Variants in LIMCH1 observed in about 807,000 individuals in gnomAD.
The protein encoded by LIMCH1 is LIM and calponin homology domains 1, also known as LIM and calponin homology domains-containing protein 1.
LIMCH1 carries 113 observed loss-of-function variants against 176.5 expected under a neutral mutation model. The ratio of observed to expected loss-of-function variants is 0.64; its 90% CI spans 0.55 to 0.75. The LOEUF (loss-of-function observed/expected upper bound fraction) is 0.75, where lower values mean the gene tolerates loss of function less well. LIMCH1 is among the 30% of genes least tolerant of loss of function. The probability of loss-of-function intolerance (pLI) is 0.00; values close to 1 mark genes in which losing one functional copy is unlikely to be tolerated. For missense variants in LIMCH1, 1,674 were observed against 1,814.9 expected, an observed-to-expected ratio of 0.92 and a Z score of 1.41; for synonymous variants, 619 against 645.9, an observed-to-expected ratio of 0.96 and a Z score of 0.63.
At chr4:41,368,444 G>A (rs957051825) in intron 1 of LIMCH1, among the ~76,000 whole-genome samples, 9 of 152,124 alleles carry the variant, frequency 5.9e-5, no homozygotes, top group African/African-American at 7.2e-5. Flanking sequence ...ATATAATTAC[G>A]ATTTGGAATA....
chr4:41,494,158 G>T (rs576923045), intron 1 of LIMCH1, among the ~76,000 whole-genome samples: 3 of 151,964 alleles, frequency 2.0e-5, no homozygotes, highest in Non-Finnish European at 4.4e-5. Context: ...AGAAAAAAAG[G>T]CTTCAAAGAA....
intron 2 of LIMCH1, among the ~76,000 whole-genome samples, chr4:41,519,256 T>C (rs1352177348): frequency 6.6e-6 from 1 of 152,186 alleles, no homozygotes; most frequent in Non-Finnish European, 1.5e-5. Flanking sequence ...GGAGGAGACC[T>C]GGGGTCTTCC....
chr4:41,577,544 C>A (rs1055741008), intron 1 of LIMCH1, among the ~76,000 whole-genome samples: 1 of 152,182 alleles, frequency 6.6e-6, no homozygotes, highest in African/African-American at 2.4e-5. Flanking sequence ...ATCCTCCTAT[C>A]TCAGCTTCCT....
chr4:41,392,601 A>C (rs2057362336), intron 1 of LIMCH1, among the ~76,000 whole-genome samples: 1 of 152,220 alleles, frequency 6.6e-6, no homozygotes, highest in Admixed American at 6.5e-5. Context: ...TCTTTGAATT[A>C]AACTCAGCTT....
chr4:41,441,594 A>G (rs1282385501), intron 1 of LIMCH1, among the ~76,000 whole-genome samples: 1 of 152,208 alleles, frequency 6.6e-6, no homozygotes, highest in Non-Finnish European at 1.5e-5. Context: ...TTTGGAAAAC[A>G]AATTAGAAAC....
intron 1 of LIMCH1, among the ~76,000 whole-genome samples, chr4:41,436,533 T>G (rs1468856263): frequency 1.3e-5 from 2 of 152,226 alleles, no homozygotes; most frequent in African/African-American, 4.8e-5. Flanking sequence ...TTGTGCTATT[T>G]GCAGCACAAG....
At chr4:41,469,546 C>T (rs936045855) in intron 1 of LIMCH1, among the ~76,000 whole-genome samples, 2 of 151,944 alleles carry the variant, frequency 1.3e-5, no homozygotes, top group African/African-American at 4.8e-5. Flanking sequence ...GCACACATTC[C>T]AAAAAAGCTT....
At chr4:41,443,283 G>GT (rs1189253991) in intron 1 of LIMCH1, among the ~76,000 whole-genome samples, 2 of 143,918 alleles carry the variant, frequency 1.4e-5, no homozygotes, top group Middle Eastern at 3.8e-3. Flanking sequence ...CAATCTGGAT[G>GT]TTTTTTTTCT....
intron 1 of LIMCH1, among the ~76,000 whole-genome samples, chr4:41,364,773 G>C (rs1297897354): frequency 6.6e-6 from 1 of 152,066 alleles, no homozygotes; most frequent in East Asian, 1.9e-4. Context: ...ACAAATAATG[G>C]GTCCAAATAT....
At chr4:41,627,482 A>G (rs1196573736) in intron 8 of LIMCH1, among the ~76,000 whole-genome samples, 3 of 152,230 alleles carry the variant, frequency 2.0e-5, no homozygotes, top group Admixed American at 2.0e-4. Context: ...GAAGAAAAAA[A>G]AATGAGACTT....
chr4:41,601,661 A>C (rs1379429684), intron 2 of LIMCH1, among the ~76,000 whole-genome samples: 1 of 152,224 alleles, frequency 6.6e-6, no homozygotes, highest in African/African-American at 2.4e-5. Context: ...TATTTCAAAG[A>C]ACATAAAGAA....
intron 20 of LIMCH1, 122 bp from the exon 21 acceptor site, chr4:41,666,439 A>T: frequency 1.7e-6 from 1 of 595,272 alleles, no homozygotes; most frequent in Non-Finnish European, 2.9e-6. Flanking sequence ...GTTTAAATTT[A>T]AATGTTAACT....
intron 1 of LIMCH1, among the ~76,000 whole-genome samples, chr4:41,369,572 C>A (rs2053631548): frequency 6.6e-6 from 1 of 152,192 alleles, no homozygotes; most frequent in South Asian, 2.1e-4. Context: ...GCAGCATGGT[C>A]CCTGATTCCT....
At chr4:41,632,242 C>G (rs554959840) in intron 10 of LIMCH1, among the ~76,000 whole-genome samples, 1 of 152,296 alleles carries the variant, frequency 6.6e-6, no homozygotes, top group South Asian at 2.1e-4. Context: ...ACAGCAGGAG[C>G]AAAGTGAGGC....
At chr4:41,572,019 A>G (rs1235253628) in intron 1 of LIMCH1, among the ~76,000 whole-genome samples, 3 of 152,244 alleles carry the variant, frequency 2.0e-5, no homozygotes, top group Admixed American at 1.3e-4. Flanking sequence ...AGCGTGAATG[A>G]AACATGAAAG....
At chr4:41,659,711 CTTTAAAA>C (rs1442663472) in intron 18 of LIMCH1, among the ~76,000 whole-genome samples, 1 of 152,096 alleles carries the variant, frequency 6.6e-6, no homozygotes, top group East Asian at 1.9e-4. Context: ...TTCATACACA[CTTTAAAA>C]TTTAACTTTA....
chr4:41,679,761 CT>C (rs1387114940), intron 23 of LIMCH1, among the ~76,000 whole-genome samples: 5 of 152,176 alleles, frequency 3.3e-5, no homozygotes, highest in Non-Finnish European at 5.9e-5. Context: ...ACCTTTCCGT[CT>C]TTTCTCTTTC....
chr4:41,440,763 C>T (rs957092722), intron 1 of LIMCH1, among the ~76,000 whole-genome samples: 3 of 152,114 alleles, frequency 2.0e-5, no homozygotes, highest in African/African-American at 7.2e-5. Context: ...GAACTCCTGA[C>T]CTCAGGTGAT....
chr4:41,499,592 G>A (rs2072862324), intron 2 of LIMCH1, among the ~76,000 whole-genome samples: 1 of 152,196 alleles, frequency 6.6e-6, no homozygotes, highest in Non-Finnish European at 1.5e-5. Context: ...GGGCAAGGTG[G>A]GGGGATCATG....
Sources: gnomAD v4.1 joint callset for allele counts (sites outside exome capture counted in the v4.1 genomes callset) on GRCh38, gnomAD v4.1.1 for gene constraint, MANE v1.5 for transcripts, NCBI Gene and HGNC (gene_info 2026-07-23, HGNC 2026-07-21) for gene names.